Variants in USP32 observed in about 807,000 individuals in gnomAD.
USP32 encodes ubiquitin specific peptidase 32, also known as ubiquitin carboxyl-terminal hydrolase 32.
A neutral mutation model predicts 204.8 loss-of-function variants in USP32; 59 were observed. The ratio of observed to expected loss-of-function variants is 0.29; its 90% CI spans 0.23 to 0.36. The LOEUF is 0.36. Among genes scored for constraint, USP32 ranks in the 10% least tolerant of loss-of-function variants. The pLI is 1.00. For missense variants in USP32, 1,160 were observed against 1,946.4 expected (o/e 0.60, Z 7.60); for synonymous variants, 517 against 678.4 (o/e 0.76, Z 3.70).
Position 60,353,876 on chromosome 17 carries a change from G to A in USP32, c.59-8268C>T, listed in dbSNP as rs914471019. On this transcript the variant is annotated intron_variant, in intron 1 of 33. Transcript: ENST00000300896. The stretch of plus-strand genomic sequence containing the variant: ...AATTGCACAAAACAAACATAAGAGA[G>A]CAGCACAACGCTCATTGTCATGCTC... Among the ~76,000 whole-genome samples the A allele has an allele frequency of 2.6e-5, 4 of 152,312 alleles. No individual in the cohort carries two copies. In the East Asian group the frequency reaches 7.7e-4, roughly 29 times the overall value.
At chr17:60,308,855 G>A (rs570044710) in intron 2 of USP32, among the ~76,000 whole-genome samples, 52 of 152,308 alleles carry the variant, frequency 3.4e-4, no homozygotes, top group Middle Eastern at 3.4e-3. Context: ...TCTAAACCCA[G>A]GAGGCGGAGG....
intron 2 of USP32, among the ~76,000 whole-genome samples, chr17:60,306,397 G>C (rs939972980): frequency 6.6e-6 from 1 of 152,182 alleles, no homozygotes; most frequent in Non-Finnish European, 1.5e-5. Flanking sequence ...CAGCACTTTG[G>C]AAAGCCGAGG....
chr17:60,225,178 T>C (rs955540468), intron 13 of USP32, among the ~76,000 whole-genome samples: 10 of 152,008 alleles, frequency 6.6e-5, no homozygotes, highest in Non-Finnish European at 1.3e-4. Context: ...AATAGCCGCA[T>C]GTGATGGCTC....
intron 2 of USP32, among the ~76,000 whole-genome samples, chr17:60,303,853 G>A (rs964795791): frequency 3.3e-5 from 5 of 152,022 alleles, no homozygotes; most frequent in Admixed American, 1.3e-4. Context: ...TATCCAAAAC[G>A]AAACAAAAGG....
chr17:60,405,693 G>A (rs2089970191), intron 1 of USP32, among the ~76,000 whole-genome samples: 1 of 152,138 alleles, frequency 6.6e-6, no homozygotes, highest in South Asian at 2.1e-4. Context: ...GCCTGGGGAG[G>A]TGGAGGCTGC....
intron 1 of USP32, among the ~76,000 whole-genome samples, chr17:60,382,400 A>G (rs927398941): frequency 1.3e-5 from 2 of 152,172 alleles, no homozygotes; most frequent in African/African-American, 4.8e-5. Context: ...GGGAGACCTG[A>G]ACCACCATGC....
intron 1 of USP32, among the ~76,000 whole-genome samples, chr17:60,420,083 ATTTT>A (rs2090097789): frequency 6.7e-6 from 1 of 148,782 alleles, no homozygotes; most frequent in African/African-American, 2.5e-5. Context: ...ATTTTATTTT[ATTTT>A]ATTTTATTTG....
chr17:60,249,836 C>A, intron 11 of USP32: 1 of 637,646 alleles, frequency 1.6e-6, no homozygotes, highest in Non-Finnish European at 2.8e-6. Context: ...CTCGGCCATT[C>A]CAGAAATCAC....
At chr17:60,226,756 T>G (rs948181002) in intron 12 of USP32, among the ~76,000 whole-genome samples, 5 of 152,142 alleles carry the variant, frequency 3.3e-5, no homozygotes, top group African/African-American at 1.2e-4. Flanking sequence ...AGGGCAATGC[T>G]ATGACTTATA....
At chr17:60,291,228 G>A (rs1216987195) in intron 4 of USP32, among the ~76,000 whole-genome samples, 1 of 152,084 alleles carries the variant, frequency 6.6e-6, no homozygotes, top group Admixed American at 6.6e-5. Flanking sequence ...TGCCCATTGG[G>A]AATCATTCCA....
At chr17:60,309,906 T>C (rs2087813390) in intron 2 of USP32, among the ~76,000 whole-genome samples, 2 of 152,030 alleles carry the variant, frequency 1.3e-5, no homozygotes, top group African/African-American at 2.4e-5. Context: ...TAGCCGGGCA[T>C]GGTGGCATGT....
chr17:60,263,089 T>C (rs186996083), intron 9 of USP32, among the ~76,000 whole-genome samples: 13 of 152,190 alleles, frequency 8.5e-5, no homozygotes, highest in African/African-American at 1.7e-4. Flanking sequence ...GCTGGAACTA[T>C]AGACATGTGC....
At chr17:60,361,232 G>A (rs934867480) in intron 1 of USP32, among the ~76,000 whole-genome samples, 2 of 151,966 alleles carry the variant, frequency 1.3e-5, no homozygotes, top group East Asian at 1.9e-4. Context: ...AATCCCTCCC[G>A]TGCCCATTCA....
rs138100138 is a variant in USP32, at chr17:60,181,957, C to T, written c.4124-209G>A. Among the ~76,000 whole-genome samples, 294 of 152,222 alleles carry T rather than the reference C, an allele frequency of 1.9e-3. 2 individuals carry two copies. Among genetic ancestry groups the T allele is most frequent in the African/African-American group, 6.9e-3 (287 of 41,524 alleles). ...GCCAAGTCCCTATAAGCAACAATGT[C>T]CTCAAAATGTAAAGTACATTATAGG... On this transcript the variant is annotated intron_variant, in intron 31 of 33. Transcript: ENST00000300896.
At chr17:60,392,426 C>G (rs916606285), upstream of USP32, 2 of 244,098 alleles carry the variant, frequency 8.2e-6, no homozygotes, top group African/African-American at 4.8e-5. Flanking sequence ...CGCGCCCCGC[C>G]CGGGCGCCTC....
At chr17:60,260,693 T>C (rs1217445474) in intron 9 of USP32, among the ~76,000 whole-genome samples, 1 of 147,732 alleles carries the variant, frequency 6.8e-6, no homozygotes, top group Non-Finnish European at 1.5e-5. Flanking sequence ...GCATCTTTCA[T>C]ATGCTAGATA....
At chr17:60,342,392 C>T (rs2145995173) in intron 2 of USP32, among the ~76,000 whole-genome samples, 1 of 152,350 alleles carries the variant, frequency 6.6e-6, no homozygotes, top group South Asian at 2.1e-4. Context: ...CAGGAACCCA[C>T]TTGAGGAGAC....
rs907428321 is a variant in USP32 at position 60,314,540 on chromosome 17, G to A, written c.187-12836C>T. Among the ~76,000 whole-genome samples, 6 of 151,448 alleles carry A rather than the reference G, an allele frequency of 4.0e-5. No individual in the cohort carries two copies. In the East Asian group the frequency reaches 1.2e-3, roughly 29 times the overall value. On this transcript the variant is annotated intron_variant, in intron 2 of 33. Transcript: ENST00000300896. ...ACTATCCAATCTGAAGTACGGTGAA[G>A]AAAAAGAGCTAGAACTGGGGGTGGG...
chr17:60,407,325 C>A (rs1201203033), intron 1 of USP32, among the ~76,000 whole-genome samples: 4 of 152,214 alleles, frequency 2.6e-5, no homozygotes, highest in African/African-American at 7.2e-5. Flanking sequence ...GAGCAAAGAA[C>A]AATTGAAGAG....
Sources: gnomAD v4.1 joint callset for allele counts (sites outside exome capture counted in the v4.1 genomes callset) on GRCh38, gnomAD v4.1.1 for gene constraint, MANE v1.5 for transcripts, NCBI Gene and HGNC (gene_info 2026-07-23, HGNC 2026-07-21) for gene names.